Variants in COL5A2 observed in about 807,000 individuals in gnomAD.
COL5A2 encodes the protein collagen type V alpha 2 chain, also known as collagen alpha-2(V) chain.
COL5A2 carries 23 observed loss-of-function variants against 208.2 expected under a neutral mutation model. The observed-to-expected ratio is 0.11, with a 90% CI of 0.08 to 0.16. The LOEUF (loss-of-function observed/expected upper bound fraction) is 0.16, where lower values mean the gene tolerates loss of function less well. COL5A2 is among the 10% of genes least tolerant of loss of function. COL5A2 has a pLI of 1.00. For synonymous variants in COL5A2, 625 were observed against 628.5 expected (o/e 0.99, Z 0.08); for missense variants, 1,590 against 1,956.4 (o/e 0.81, Z 3.53).
chr2:189,235,331 T>C, the COL5A2 span, among the ~76,000 whole-genome samples: 4,973 of 151,940 alleles, frequency 0.033, 119 homozygotes, highest in Admixed American at 0.047. Flanking sequence ...TCTGCCTAAA[T>C]AAATATATGC....
At chr2:189,054,706 T>G (rs1376165874) in intron 35 of COL5A2, among the ~76,000 whole-genome samples, 1 of 148,534 alleles carries the variant, frequency 6.7e-6, no homozygotes, top group Non-Finnish European at 1.5e-5. Context: ...TTTTTTTTTT[T>G]TTTTTGGCAC....
At chr2:189,378,813 T>C in the COL5A2 span, among the ~76,000 whole-genome samples, 1 of 152,062 alleles carries the variant, frequency 6.6e-6, no homozygotes, top group African/African-American at 2.4e-5. Flanking sequence ...AAAAGAAAAT[T>C]CTCATTGTAA....
At chr2:189,262,624 T>C in the COL5A2 span, among the ~76,000 whole-genome samples, 2 of 152,102 alleles carry the variant, frequency 1.3e-5, no homozygotes, top group Admixed American at 6.6e-5. Context: ...TATCATGAAA[T>C]TTTCAGAACA....
At chr2:189,205,012 C>G (rs1345556796) in intron 1 of COL5A2, among the ~76,000 whole-genome samples, 2 of 152,278 alleles carry the variant, frequency 1.3e-5, no homozygotes, top group East Asian at 3.9e-4. Context: ...GAAGGAGACT[C>G]CTAACACCGT....
intron 1 of COL5A2, among the ~76,000 whole-genome samples, chr2:189,189,604 A>G (rs1048501868): frequency 6.6e-6 from 1 of 152,098 alleles, no homozygotes; most frequent in African/African-American, 2.4e-5. Context: ...GTGAGCTATG[A>G]TCATGCCACT....
chr2:189,322,347 T>C, the COL5A2 span, among the ~76,000 whole-genome samples: 18 of 151,918 alleles, frequency 1.2e-4, no homozygotes, highest in Non-Finnish European at 1.8e-4. Flanking sequence ...CTGAAGGACA[T>C]AGAGACACAA....
the COL5A2 span, among the ~76,000 whole-genome samples, chr2:189,240,881 TAA>T: frequency 6.6e-6 from 1 of 152,216 alleles, no homozygotes; most frequent in African/African-American, 2.4e-5. Flanking sequence ...AAGGAAAATC[TAA>T]GACACAAAAA....
the COL5A2 span, among the ~76,000 whole-genome samples, chr2:189,405,736 C>T: frequency 6.6e-6 from 1 of 152,212 alleles, no homozygotes; most frequent in Non-Finnish European, 1.5e-5. Context: ...TTATGTCATG[C>T]TCACAGTGGA....
At chr2:189,435,557 C>T in the COL5A2 span, among the ~76,000 whole-genome samples, 51 of 152,232 alleles carry the variant, frequency 3.4e-4, no homozygotes, top group African/African-American at 1.2e-3. Flanking sequence ...ATTTATGCAG[C>T]CAACACACAC....
At chr2:189,108,535 A>G (rs1559107855) in intron 2 of COL5A2, among the ~76,000 whole-genome samples, 1 of 151,892 alleles carries the variant, frequency 6.6e-6, no homozygotes, top group Non-Finnish European at 1.5e-5. Context: ...CTAAAGAAGT[A>G]TTTATTTATC....
chr2:189,037,916 G>A (rs1486783299), intron 51 of COL5A2, among the ~76,000 whole-genome samples: 5 of 152,038 alleles, frequency 3.3e-5, no homozygotes, highest in East Asian at 1.9e-4. Flanking sequence ...ACATTTCCAC[G>A]AAATGCTTTT....
the COL5A2 span, among the ~76,000 whole-genome samples, chr2:189,400,757 G>T: frequency 4.2e-4 from 64 of 152,224 alleles, no homozygotes; most frequent in African/African-American, 1.4e-3. Context: ...ATTTCCTTTT[G>T]CAAATGTTCT....
intron 1 of COL5A2, among the ~76,000 whole-genome samples, chr2:189,202,173 A>G (rs942132682): frequency 1.5e-4 from 23 of 152,032 alleles, no homozygotes; most frequent in African/African-American, 5.5e-4. Context: ...AAAAAACACA[A>G]TCTAGCAGTG....
At position 189,129,473 on chromosome 2, in the gene COL5A2, A is replaced by G. The variant is rs1329652126; in HGVS notation, c.98-19024T>C. 2.6e-5 allele frequency among the ~76,000 whole-genome samples: 4 copies of G among 152,080 alleles called. No individual in the cohort carries two copies. The South Asian group carries it at 6.2e-4, about 24-fold the overall frequency. Reference sequence around the variant, plus strand: ...TTCTGGGACATTCCTTGAATTATTCAGAAATGAAGAGAAAATGGTGTAAAT... The same window carrying G: ...TTCTGGGACATTCCTTGAATTATTCGGAAATGAAGAGAAAATGGTGTAAAT... On this transcript the variant is annotated intron_variant, in intron 1 of 53. Coordinates refer to ENST00000374866, the MANE Select transcript of COL5A2 (RefSeq NM_000393.5).
chr2:189,377,863 C>T, the COL5A2 span, among the ~76,000 whole-genome samples: 2 of 152,188 alleles, frequency 1.3e-5, no homozygotes, highest in East Asian at 1.9e-4. Context: ...TTTCTTCTTG[C>T]GAACCAATTA....
intron 1 of COL5A2, among the ~76,000 whole-genome samples, chr2:189,162,625 C>T (rs1688389910): frequency 6.6e-6 from 1 of 152,156 alleles, no homozygotes; most frequent in Admixed American, 6.5e-5. Flanking sequence ...CTACTGGAAT[C>T]CCTGATTTAA....
At position 189,049,473 on chromosome 2, in the gene COL5A2, T is replaced by A. The variant is rs1477097993; in HGVS notation, c.3040-19A>T. The A allele has an allele frequency of 5.7e-6, 9 of 1,585,114 alleles. No homozygotes were observed. In the East Asian group the frequency reaches 1.8e-4, roughly 32 times the overall value. ...GTGTTCCCTGAAATAGAAGTATAAA[T>A]GTCAAACACTTGTGAAGAAATTGAA... is the stretch of plus-strand genomic sequence containing the variant. On this transcript the variant is annotated intron_variant, in intron 43 of 53. Coordinates refer to ENST00000374866, the MANE Select transcript of COL5A2 (RefSeq NM_000393.5).
chr2:189,254,693 C>T, the COL5A2 span, among the ~76,000 whole-genome samples: 8 of 152,300 alleles, frequency 5.3e-5, no homozygotes, highest in Non-Finnish European at 7.3e-5. Flanking sequence ...CCTGACATTA[C>T]GCCAGAATCA....
the COL5A2 span, among the ~76,000 whole-genome samples, chr2:189,237,155 T>C: frequency 6.6e-6 from 1 of 151,766 alleles, no homozygotes; most frequent in Non-Finnish European, 1.5e-5. Context: ...TTTACCTCAG[T>C]TCAAGAAAGA....
Sources: gnomAD v4.1 joint callset for allele counts (sites outside exome capture counted in the v4.1 genomes callset) on GRCh38, gnomAD v4.1.1 for gene constraint, MANE v1.5 for transcripts, NCBI Gene and HGNC (gene_info 2026-07-23, HGNC 2026-07-21) for gene names.